Variants in KIAA1671 observed in about 807,000 individuals in gnomAD.
The protein encoded by KIAA1671 is KIAA1671.
A neutral mutation model predicts 131.2 loss-of-function variants in KIAA1671; 52 were observed. The observed-to-expected ratio is 0.40, with a 90% CI of 0.32 to 0.50. The LOEUF (loss-of-function observed/expected upper bound fraction) is 0.50, where lower values mean the gene tolerates loss of function less well. Ranked by LOEUF, KIAA1671 falls within the 20% of genes least tolerant of loss-of-function variation. KIAA1671 has a pLI of 0.73. For synonymous variants in KIAA1671, 1,003 were observed against 961.6 expected, an observed-to-expected ratio of 1.04 and a Z score of -0.80; for missense variants, 2,360 against 2,364.2, an observed-to-expected ratio of 1.00 and a Z score of 0.04.
intron 1 of KIAA1671, among the ~76,000 whole-genome samples, chr22:25,005,325 G>A (rs1333960109): frequency 6.8e-6 from 1 of 148,084 alleles, no homozygotes; most frequent in African/African-American, 2.5e-5. Flanking sequence ...TCCAGCCTGG[G>A]TGACAGAGCG....
chr22:24,963,073 C>G (rs950652301), intron 1 of KIAA1671, among the ~76,000 whole-genome samples: 5 of 152,134 alleles, frequency 3.3e-5, no homozygotes, highest in Non-Finnish European at 7.3e-5. Flanking sequence ...AGAGGCCACT[C>G]ACTCTCTCCT....
At chr22:25,130,213 G>A (rs1382979182) in intron 6 of KIAA1671, among the ~76,000 whole-genome samples, 2 of 152,138 alleles carry the variant, frequency 1.3e-5, no homozygotes, top group Non-Finnish European at 2.9e-5. Flanking sequence ...ACAGCAAAAG[G>A]TATATATCAT....
At chr22:25,001,831 T>G (rs1298398229) in intron 1 of KIAA1671, among the ~76,000 whole-genome samples, 1 of 152,172 alleles carries the variant, frequency 6.6e-6, no homozygotes, top group East Asian at 1.9e-4. Flanking sequence ...AACACAGGAT[T>G]CCTGTAGCTG....
chr22:25,093,780 C>CTG (rs1930211521), intron 6 of KIAA1671, among the ~76,000 whole-genome samples: 2 of 106,034 alleles, frequency 1.9e-5, no homozygotes, highest in South Asian at 3.2e-4. Context: ...CTCTCTCTCT[C>CTG]TCTCTCTCTC....
chr22:25,075,228 G>A (rs1037904439), intron 6 of KIAA1671, among the ~76,000 whole-genome samples: 3 of 152,128 alleles, frequency 2.0e-5, no homozygotes, highest in African/African-American at 7.2e-5. Flanking sequence ...CATATGGTGG[G>A]TAGACACCAA....
intron 6 of KIAA1671, among the ~76,000 whole-genome samples, chr22:25,152,224 G>A (rs1030803537): frequency 6.6e-5 from 10 of 152,202 alleles, no homozygotes; most frequent in African/African-American, 2.4e-4. Context: ...ACATTACTGA[G>A]TATTCATTCT....
chr22:25,128,935 G>T (rs991474293), intron 6 of KIAA1671, among the ~76,000 whole-genome samples: 1 of 152,204 alleles, frequency 6.6e-6, no homozygotes, highest in Admixed American at 6.5e-5. Context: ...GCCAGCTGCA[G>T]TACCGGGTGC....
At chr22:24,962,334 G>A (rs1024403284) in intron 1 of KIAA1671, among the ~76,000 whole-genome samples, 3 of 152,194 alleles carry the variant, frequency 2.0e-5, no homozygotes, top group Admixed American at 2.0e-4. Context: ...GCCCATTAAC[G>A]AGGACTGTGA....
chr22:25,110,774 G>A (rs1285971613), intron 6 of KIAA1671, among the ~76,000 whole-genome samples: 2 of 152,180 alleles, frequency 1.3e-5, no homozygotes, highest in African/African-American at 4.8e-5. Context: ...AGCCCTGTAA[G>A]GGTTAAAACC....
chr22:24,984,757 C>T (rs1490512764), intron 1 of KIAA1671, among the ~76,000 whole-genome samples: 1 of 151,392 alleles, frequency 6.6e-6, no homozygotes, highest in Non-Finnish European at 1.5e-5. Context: ...ACTAAAAATG[C>T]AAAAAAATTA....
chr22:25,037,410 G>GTATATATATA (rs1270730586), intron 4 of KIAA1671, among the ~76,000 whole-genome samples: 1 of 150,356 alleles, frequency 6.7e-6, no homozygotes, highest in Non-Finnish European at 1.5e-5. Flanking sequence ...GTATATATGT[G>GTATATATATA]TGTATATATA....
At chr22:25,169,882 G>A (rs1193330559) in intron 6 of KIAA1671, among the ~76,000 whole-genome samples, 1 of 152,160 alleles carries the variant, frequency 6.6e-6, no homozygotes, top group Non-Finnish European at 1.5e-5. Context: ...ATTCCACTTC[G>A]CTGGCTGTTT....
At chr22:25,051,258 G>C (rs1927517712) in intron 6 of KIAA1671, 1 of 152,268 alleles carries the variant, frequency 6.6e-6, no homozygotes, top group Non-Finnish European at 1.5e-5. Flanking sequence ...GTGGTGTTCA[G>C]CTCCTATCCT....
chr22:25,070,329 C>T (rs567491237), intron 6 of KIAA1671: 11 of 427,840 alleles, frequency 2.6e-5, no homozygotes, highest in Non-Finnish European at 4.7e-5. Flanking sequence ...AGCTGGAAAC[C>T]GTACTGTGCT....
intron 1 of KIAA1671, among the ~76,000 whole-genome samples, chr22:24,998,155 C>T (rs953151114): frequency 6.6e-6 from 1 of 152,146 alleles, no homozygotes; most frequent in African/African-American, 2.4e-5. Context: ...AATCTCAGCG[C>T]TTTGTGGGGC....
chr22:25,029,665 T>C lies in KIAA1671; in HGVS notation c.1541+125T>C, dbSNP rs1487432281. The C allele has an allele frequency of 1.2e-5, 8 of 695,590 alleles. No homozygotes were observed. The African/African-American group carries it at 1.5e-4, about 13-fold the overall frequency. The allele number at this position is 695,590 out of a possible 1,614,324, so 43.1% of individuals were successfully genotyped here. On this transcript the variant is annotated intron_variant, in intron 3 of 12. Transcript: ENST00000358431. ...AGTTTACCCATAGCCCAAGAGGAGG[T>C]AGTGGCAGTGTCCATTTCTCAGATG...
intron 6 of KIAA1671, among the ~76,000 whole-genome samples, chr22:25,124,067 G>T (rs1486412579): frequency 6.6e-6 from 1 of 152,186 alleles, no homozygotes; most frequent in Non-Finnish European, 1.5e-5. Flanking sequence ...GCCCATAAAG[G>T]AGGCTGGCTG....
chr22:25,075,888 G>A (rs1929080430), intron 6 of KIAA1671, among the ~76,000 whole-genome samples: 1 of 151,296 alleles, frequency 6.6e-6, no homozygotes, highest in Admixed American at 6.6e-5. Context: ...CGATTCTCCT[G>A]CCTCAGCCTC....
intron 4 of KIAA1671, among the ~76,000 whole-genome samples, chr22:25,034,725 AT>A (rs1361159119): frequency 1.3e-5 from 2 of 151,386 alleles, no homozygotes; most frequent in East Asian, 3.9e-4. Context: ...TTCTTTTTTA[AT>A]TTTTTAATTT....
Sources: gnomAD v4.1 joint callset for allele counts (sites outside exome capture counted in the v4.1 genomes callset) on GRCh38, gnomAD v4.1.1 for gene constraint, MANE v1.5 for transcripts, NCBI Gene and HGNC (gene_info 2026-07-23, HGNC 2026-07-21) for gene names.